The following ZNF165 variants were observed in gnomAD, a reference collection of about 807,000 sequenced individuals.
The protein encoded by ZNF165 is zinc finger protein 165.
ZNF165 carries 14 observed loss-of-function variants against 19.6 expected under a neutral mutation model. That is an observed-to-expected ratio of 0.71 (90% confidence interval 0.47 to 1.12). The LOEUF is 1.12. Among genes scored for constraint, ZNF165 ranks in the 50% most tolerant of loss-of-function variants. The pLI is 0.00. For missense variants in ZNF165, 504 were observed against 566.3 expected, an observed-to-expected ratio of 0.89 and a Z score of 1.12; for synonymous variants, 165 against 195.0, an observed-to-expected ratio of 0.85 and a Z score of 1.28.
intron 2 of ZNF165, 115 bp downstream of exon 2, chr6:28,086,006 A>T (rs1764266254): frequency 6.7e-7 from 1 of 1,502,654 alleles, no homozygotes; most frequent in Admixed American, 2.2e-5. Flanking sequence ...GTGTGCATTT[A>T]TGTCTCCTTT....
At position 28,085,778 on chromosome 6, in the gene ZNF165, A is replaced by G. The variant is rs1581482565; in HGVS notation, c.298A>G (p.Ile100Val). The G allele has an allele frequency of 6.2e-7, 1 of 1,613,774 alleles. No homozygotes were observed. ...GCTGGTGCTAGAGCAGTTCCTGACC[A>G]TCCTGCCAGGAGATTTGCAGGCCTG... ...ELLVLEQFLT[I>V]LPGDLQAWVH... The change falls in exon 2 of 4, where the codon ATC becomes GTC. Residue 100 changes from isoleucine (I) to valine (V), a missense_variant. By Grantham distance (29) the Ile-to-Val change is conservative. Transcript: ENST00000683778.
Position 28,089,136 on chromosome 6 carries a change from A to G in ZNF165, c.1124A>G (p.Asn375Ser). The part of the protein sequence containing the change: ...IHTGERCYEC[N>S]ECGKSFAESS... ...ACTGGAGAGAGATGCTATGAATGTA[A>G]TGAATGTGGGAAAAGCTTTGCAGAG... The change falls in exon 4 of 4, where the codon AAT becomes AGT. Residue 375 changes from asparagine to serine, a missense_variant. By Grantham distance (46) the Asn-to-Ser change is conservative. Transcript: ENST00000683778. 6.2e-7 allele frequency: 1 copy of G among 1,614,200 alleles called. No individual in the cohort carries two copies. The highest frequency in any genetic ancestry group is 8.5e-7 in the Non-Finnish European group (1 of 1,180,018).
intron 2 of ZNF165, 110 bp from the exon 3 acceptor site, chr6:28,086,062 C>A: frequency 6.6e-7 from 1 of 1,514,912 alleles, no homozygotes; most frequent in Non-Finnish European, 8.9e-7. Flanking sequence ...AAATCAGACT[C>A]GATTCTTCCT....
chr6:28,081,847 A>C (rs1764163008), intron 1 of ZNF165, among the ~76,000 whole-genome samples: 1 of 152,236 alleles, frequency 6.6e-6, no homozygotes, highest in Non-Finnish European at 1.5e-5. Flanking sequence ...ATTAGTTTAA[A>C]GCTACCAGCT....
At chr6:28,083,056 G>A (rs980468977) in intron 1 of ZNF165, among the ~76,000 whole-genome samples, 5 of 152,208 alleles carry the variant, frequency 3.3e-5, no homozygotes, top group African/African-American at 1.2e-4. Context: ...ATGTGTATGT[G>A]TTAGGAATTG....
intron 2 of ZNF165, 24 bp from the exon 3 acceptor site, chr6:28,086,148 C>G (rs913506029): frequency 1.2e-6 from 2 of 1,601,402 alleles, no homozygotes; most frequent in Non-Finnish European, 1.7e-6. Context: ...TTTTATAAGC[C>G]CAAATGTACT....
At chr6:28,082,997 A>T (rs565415596) in intron 1 of ZNF165, among the ~76,000 whole-genome samples, 178 of 89,626 alleles carry the variant, frequency 2.0e-3, no homozygotes, top group Non-Finnish European at 8.8e-4. Flanking sequence ...ATCAGTTGAT[A>T]AAAAAACAGC....
At chr6:28,086,901 AAAAAG>A (rs1385488674) in intron 3 of ZNF165, among the ~76,000 whole-genome samples, 1 of 152,242 alleles carries the variant, frequency 6.6e-6, no homozygotes, top group Non-Finnish European at 1.5e-5. Flanking sequence ...GAAGGAAAAG[AAAAAG>A]AAATACATGG....
rs2113686076 is a variant in ZNF165, at chr6:28,086,272, A to G, written c.512A>G (p.His171Arg). 6.2e-7 allele frequency: 1 copy of G among 1,614,202 alleles called. No individual in the cohort carries two copies. Among genetic ancestry groups the G allele is most frequent in the East Asian group, 2.2e-5 (1 of 44,886 alleles). Residue 171 changes from histidine to arginine, a missense_variant, in exon 3 of 4, where the codon CAT becomes CGT. His to Arg is a conservative substitution (Grantham distance 29). Coordinates refer to ENST00000683778, the MANE Select transcript of ZNF165 (RefSeq NM_001376491.1). ...VKLQPVETKAHFDSSEPQLLW... is the reference protein window; with the variant it reads ...VKLQPVETKARFDSSEPQLLW... ...TTACAGCCAGTGGAGACCAAGGCCC[A>G]TTTTGATTCATCAGAACCCCAGCTC...
In ZNF165 at chr6:28,089,006, G is replaced by T; in HGVS notation, c.994G>T (p.Ala332Ser). ...YGKSFKSPKL[A>S]KHAAVFSGDK... is the part of the protein sequence containing the mutation. Reference sequence around the variant, plus strand: ...AAAATCTTTCAAGAGCCCAAAACTTGCTAAACATGCAGCAGTTTTCAGTGG... The same window carrying T: ...AAAATCTTTCAAGAGCCCAAAACTTTCTAAACATGCAGCAGTTTTCAGTGG... The change falls in exon 4 of 4, where the codon GCT (alanine) becomes TCT (serine). Residue 332 changes from alanine (A) to serine (S), a missense_variant. Coordinates refer to ENST00000683778, the MANE Select transcript of ZNF165 (RefSeq NM_001376491.1). The T allele has an allele frequency of 6.2e-7, 1 of 1,614,176 alleles. No individual in the cohort carries two copies.
chr6:28,085,376 T>G, intron 1 of ZNF165, 105 bp from the exon 2 acceptor site: 1 of 1,207,906 alleles, frequency 8.3e-7, no homozygotes, highest in Non-Finnish European at 1.2e-6. Flanking sequence ...TATGTGGTCT[T>G]TCATCTTCTT....
At chr6:28,086,633 T>C (rs1764283585) in intron 3 of ZNF165, among the ~76,000 whole-genome samples, 1 of 151,970 alleles carries the variant, frequency 6.6e-6, no homozygotes, top group Non-Finnish European at 1.5e-5. Context: ...GGCGTGAACC[T>C]GGGAGGCGGA....
At chr6:28,080,473 G>A (rs970868961), upstream of ZNF165, among the ~76,000 whole-genome samples, 4 of 151,790 alleles carry the variant, frequency 2.6e-5, no homozygotes, top group African/African-American at 7.3e-5. Flanking sequence ...CGCCTCCCGG[G>A]TTCAAGCGAT....
intron 3 of ZNF165, among the ~76,000 whole-genome samples, chr6:28,088,169 C>T (rs568103127): frequency 6.6e-6 from 1 of 152,282 alleles, no homozygotes; most frequent in Non-Finnish European, 1.5e-5. Context: ...CTTGTGTTCT[C>T]ATCTGCTTTC....
Position 28,089,026 on chromosome 6 carries a change from C to T in ZNF165, c.1014C>T (p.Phe338=), listed in dbSNP as rs1260952990. 6.2e-7 allele frequency: 1 copy of T among 1,614,068 alleles called. No individual in the cohort carries two copies. Among genetic ancestry groups the T allele is most frequent in the East Asian group, 2.2e-5 (1 of 44,896 alleles). The change falls in exon 4 of 4, where the codon TTC becomes TTT. Residue 338 remains phenylalanine, a synonymous_variant. Transcript: ENST00000683778. ...AACTTGCTAAACATGCAGCAGTTTTCAGTGGAGATAAAACTCATCAGTGTA... is the reference window on the plus strand; with the variant it reads ...AACTTGCTAAACATGCAGCAGTTTTTAGTGGAGATAAAACTCATCAGTGTA... ...SPKLAKHAAV[F]SGDKTHQCNE... is the part of the protein sequence containing the mutation.
intron 3 of ZNF165, among the ~76,000 whole-genome samples, chr6:28,087,812 AAAAG>A (rs1561797945): frequency 6.6e-6 from 1 of 151,630 alleles, no homozygotes; most frequent in South Asian, 2.1e-4. Context: ...CTTGAACAAA[AAAAG>A]AGAGAGAGAG....
chr6:28,087,263 T>C (rs1764296885), intron 3 of ZNF165, among the ~76,000 whole-genome samples: 1 of 152,210 alleles, frequency 6.6e-6, no homozygotes, highest in African/African-American at 2.4e-5. Flanking sequence ...TTGTTTTTCC[T>C]GACACAGAGT....
At chr6:28,081,691 C>T (rs1052411456) in intron 1 of ZNF165, among the ~76,000 whole-genome samples, 1 of 152,078 alleles carries the variant, frequency 6.6e-6, no homozygotes, top group Non-Finnish European at 1.5e-5. Context: ...CATCAGGAGC[C>T]CTGCTCTTTA....
chr6:28,088,971 A>T lies in ZNF165; in HGVS notation c.959A>T (p.His320Leu). ...HQIIYAGEKN[H>L]QYGKSFKSPK... is the part of the protein sequence containing the mutation. ...ATAATTTATGCTGGAGAAAAAAATC[A>T]CCAATATGGAAAATCTTTCAAGAGC... is the stretch of plus-strand genomic sequence containing the variant. Residue 320 changes from histidine (H) to leucine (L), a missense_variant, in exon 4 of 4, where the codon CAC (histidine) becomes CTC (leucine). His to Leu is a moderately conservative substitution (Grantham distance 99, BLOSUM62 -3). Transcript: ENST00000683778. 6.2e-7 allele frequency: 1 copy of T among 1,614,228 alleles called. No homozygotes were observed. The highest frequency in any genetic ancestry group is 1.7e-5 in the Admixed American group (1 of 60,022).
Sources: gnomAD v4.1 joint callset for allele counts (sites outside exome capture counted in the v4.1 genomes callset) on GRCh38, gnomAD v4.1.1 for gene constraint, MANE v1.5 for transcripts, NCBI Gene and HGNC (gene_info 2026-07-23, HGNC 2026-07-21) for gene names.